MCOLN3: variants seen among roughly 807,000 people sequenced by gnomAD.
MCOLN3 encodes the protein mucolipin-3.
In MCOLN3, 62 loss-of-function variants were observed where a neutral mutation model predicts 69.4. The observed-to-expected ratio is 0.89, with a 90% CI of 0.73 to 1.10. The LOEUF (loss-of-function observed/expected upper bound fraction) is 1.10. MCOLN3 is among the 50% of genes least tolerant of loss of function. The probability of loss-of-function intolerance (pLI) is 0.00; values close to 1 mark genes in which losing one functional copy is unlikely to be tolerated. For synonymous variants in MCOLN3, 183 were observed against 217.0 expected (o/e 0.84, Z 1.38); for missense variants, 564 against 656.4 (o/e 0.86, Z 1.54).
intron 12 of MCOLN3, among the ~76,000 whole-genome samples, chr1:85,020,838 T>A (rs943438423): frequency 2.0e-5 from 3 of 152,210 alleles, no homozygotes; most frequent in Admixed American, 1.3e-4. Flanking sequence ...ATAATTCTAA[T>A]AAAAGGTTAG....
intron 12 of MCOLN3, 99 bp from the exon 13 acceptor site, chr1:85,019,356 C>T: frequency 8.5e-7 from 1 of 1,179,232 alleles, no homozygotes; most frequent in Non-Finnish European, 1.2e-6. Context: ...AGGGGGTTTT[C>T]TAGAGAGATA....
intron 9 of MCOLN3, chr1:85,025,611 C>A: frequency 1.1e-5 from 2 of 185,788 alleles, no homozygotes; most frequent in Admixed American, 6.1e-5. Flanking sequence ...AAAACTCTTA[C>A]CTTAGTTACC....
In MCOLN3 at chr1:85,035,930, C is replaced by A. The variant is rs578049116; in HGVS notation, c.397-1679G>T. On this transcript the variant is annotated intron_variant, in intron 3 of 12. Transcript: ENST00000370589. ...GGAAGGTTCTTCCTTGAGATAGACA[C>A]AGGCTGCATGCTCTCTCTTTAGTCT... 2.5e-4 allele frequency among the ~76,000 whole-genome samples: 38 copies of A among 152,240 alleles called. 1 individual carries two copies. Among genetic ancestry groups the A allele is most frequent in the Non-Finnish European group, 4.6e-4 (31 of 68,046 alleles).
intron 9 of MCOLN3, chr1:85,023,080 T>TC (rs1652030865): frequency 6.9e-6 from 1 of 145,842 alleles, no homozygotes; most frequent in Non-Finnish European, 1.5e-5. Flanking sequence ...TATTCTTTTT[T>TC]TTTTTTTTTT....
At chr1:85,019,357 T>A in intron 12 of MCOLN3, 100 bp from the exon 13 acceptor site, 1 of 1,158,908 alleles carries the variant, frequency 8.6e-7, no homozygotes, top group Non-Finnish European at 1.2e-6. Context: ...GGGGGTTTTC[T>A]AGAGAGATAG....
chr1:85,033,885 T>C (rs963210223), intron 4 of MCOLN3, among the ~76,000 whole-genome samples: 1 of 152,172 alleles, frequency 6.6e-6, no homozygotes, highest in Non-Finnish European at 1.5e-5. Context: ...TAAAAGGGGA[T>C]AATAATAATC....
intron 4 of MCOLN3, 75 bp downstream of exon 4, chr1:85,034,023 A>G: frequency 6.8e-7 from 1 of 1,478,250 alleles, no homozygotes; most frequent in African/African-American, 1.4e-5. Context: ...CAATGTTTTC[A>G]AAGATGAAAT....
At chr1:85,037,148 G>C (rs1652841493) in intron 3 of MCOLN3, among the ~76,000 whole-genome samples, 1 of 152,188 alleles carries the variant, frequency 6.6e-6, no homozygotes. Flanking sequence ...CATTAGGATT[G>C]GGAAAGTGAG....
intron 2 of MCOLN3, among the ~76,000 whole-genome samples, chr1:85,044,568 AAGC>A (rs1443081804): frequency 6.6e-6 from 1 of 152,222 alleles, no homozygotes; most frequent in Non-Finnish European, 1.5e-5. Flanking sequence ...AAAATATTAA[AAGC>A]AGCCAAGGAA....
chr1:85,028,746 A>G (rs1652351068), intron 7 of MCOLN3, among the ~76,000 whole-genome samples: 1 of 152,160 alleles, frequency 6.6e-6, no homozygotes, highest in Non-Finnish European at 1.5e-5. Flanking sequence ...GATTCTCCCT[A>G]TCTTAAGGGC....
intron 4 of MCOLN3, 126 bp downstream of exon 4, chr1:85,033,972 C>A (rs1056015846): frequency 5.9e-6 from 6 of 1,016,948 alleles, no homozygotes; most frequent in Middle Eastern, 3.2e-4. Flanking sequence ...CATAATAACT[C>A]GTATATCATT....
intron 1 of MCOLN3, among the ~76,000 whole-genome samples, chr1:85,046,899 C>T (rs1336151003): frequency 6.6e-6 from 1 of 152,056 alleles, no homozygotes; most frequent in African/African-American, 2.4e-5. Context: ...CCTGTCAAAG[C>T]ATAAATGCAG....
At position 85,026,049 on chromosome 1, in the gene MCOLN3, C is replaced by A. The variant is rs771314165; in HGVS notation, c.985G>T (p.Val329Phe). The A allele has an allele frequency of 6.2e-7, 1 of 1,601,510 alleles. No individual in the cohort carries two copies. Among genetic ancestry groups the A allele is most frequent in the Non-Finnish European group, 8.5e-7 (1 of 1,173,932 alleles). ...NFFLLHYKKE[V>F]SVSDQMEFVN... Reference sequence around the variant, plus strand: ...AATTCCATTTGATCAGAAACAGAAACTTCCTTCTTATAATGGAGGAGGAAA... The same window carrying A: ...AATTCCATTTGATCAGAAACAGAAAATTCCTTCTTATAATGGAGGAGGAAA... The change falls in exon 9 of 13, where the codon GTT becomes TTT. Residue 329 changes from valine (V) to phenylalanine (F), a missense_variant. Val to Phe is a conservative substitution (Grantham distance 50). Transcript: ENST00000370589.
At chr1:85,045,055 TA>T (rs375048424) in intron 2 of MCOLN3, 77 bp downstream of exon 2, 1,720 of 1,019,148 alleles carry the variant, frequency 1.7e-3, no homozygotes, top group Non-Finnish European at 2.0e-3. Flanking sequence ...AAAAGTTATT[TA>T]AAAAAAAAAC....
intron 3 of MCOLN3, among the ~76,000 whole-genome samples, 162 bp from the exon 4 acceptor site, chr1:85,034,413 G>A (rs1652711393): frequency 6.6e-6 from 1 of 152,180 alleles, no homozygotes; most frequent in African/African-American, 2.4e-5. Context: ...CACTAGGAAG[G>A]CAAAGGGCAC....
At chr1:85,028,970 T>C (rs1652365751) in intron 7 of MCOLN3, 136 bp downstream of exon 7, 1 of 600,016 alleles carries the variant, frequency 1.7e-6, no homozygotes, top group Admixed American at 3.0e-5. Context: ...AGAGTTGATC[T>C]ACTTGTAGAG....
chr1:85,028,682 T>C (rs1340055692), intron 7 of MCOLN3, among the ~76,000 whole-genome samples: 1 of 152,216 alleles, frequency 6.6e-6, no homozygotes, highest in Non-Finnish European at 1.5e-5. Flanking sequence ...GGTCACATCC[T>C]ACCTGACTTG....
intron 3 of MCOLN3, among the ~76,000 whole-genome samples, chr1:85,036,260 C>T (rs1478713611): frequency 3.9e-5 from 6 of 152,160 alleles, no homozygotes; most frequent in African/African-American, 7.2e-5. Context: ...GGCATGATCT[C>T]GGCTCACTGC....
chr1:85,026,305 A>G (rs188827607), intron 7 of MCOLN3, 21 bp from the exon 8 acceptor site: 6 of 1,498,342 alleles, frequency 4.0e-6, no homozygotes, highest in East Asian at 2.3e-5. Flanking sequence ...AGAGGATTAC[A>G]TAGTGCTTAT....
Sources: gnomAD v4.1 joint callset for allele counts (sites outside exome capture counted in the v4.1 genomes callset) on GRCh38, gnomAD v4.1.1 for gene constraint, MANE v1.5 for transcripts, NCBI Gene and HGNC (gene_info 2026-07-23, HGNC 2026-07-21) for gene names.